The following SBNO2 variants were observed in gnomAD, a reference collection of about 807,000 sequenced individuals.
SBNO2 encodes the protein protein strawberry notch homolog 2.
A neutral mutation model predicts 146.3 loss-of-function variants in SBNO2; 89 were observed. That is an observed-to-expected ratio of 0.61 (90% CI 0.51 to 0.73). The LOEUF is 0.73. SBNO2 is among the 30% of genes least tolerant of loss of function. The pLI is 0.00. For missense variants in SBNO2, 2,092 were observed against 2,003.7 expected (o/e 1.04, Z -0.84); for synonymous variants, 1,147 against 892.6 (o/e 1.29, Z -5.08).
In SBNO2 at chr19:1,111,097, C is replaced by T. The variant is rs370262573; in HGVS notation, c.2810-4G>A. 9.7e-6 allele frequency: 15 copies of T among 1,546,582 alleles called. No homozygotes were observed. Among genetic ancestry groups the T allele is most frequent in the Non-Finnish European group, 1.2e-5 (14 of 1,147,690 alleles). ...GACAGCAGGCCCTGCTTCATGTCTG[C>T]GGGGAGAGGGGCCTCACATGCTGGT... On this transcript the variant is annotated splice_polypyrimidine_tract_variant and splice_region_variant and intron_variant, in intron 24 of 31. Coordinates refer to ENST00000361757, the MANE Select transcript of SBNO2 (RefSeq NM_014963.3).
Position 1,122,741 on chromosome 19 carries a change from G to T in SBNO2, c.831C>A (p.Gly277=). 2 of 1,537,308 alleles carry T rather than the reference G, an allele frequency of 1.3e-6. No homozygotes were observed. Among genetic ancestry groups the T allele is most frequent in the Non-Finnish European group, 1.7e-6 (2 of 1,146,520 alleles). The part of the protein sequence containing the change: ...PSGQRAGFLI[G]DGAGVGKGRT... ...GGCCTTTGCCCACGCCGGCCCCATCGCCGATGAGAAAGCCCGCGCGCTGCC... is the reference window on the plus strand; with the variant it reads ...GGCCTTTGCCCACGCCGGCCCCATCTCCGATGAGAAAGCCCGCGCGCTGCC... Residue 277 remains glycine (G), a synonymous_variant, in exon 9 of 32, where the codon GGC becomes GGA. Coordinates refer to ENST00000361757, the MANE Select transcript of SBNO2 (RefSeq NM_014963.3).
Position 1,109,667 on chromosome 19 carries a change from G to A in SBNO2, c.3123+16C>T. On this transcript the variant is annotated intron_variant, in intron 27 of 31. Transcript: ENST00000361757. This position sits in a 1 kb window ranked among gnomAD's most constrained non-coding sequence, Gnocchi z 4.2. ...GGGTGGGCAGAGTGTGAGGGGCTGT[G>A]GGGCTTCCTGCTGACCTTGTAGAAG... 1 of 1,607,366 alleles carries A rather than the reference G, an allele frequency of 6.2e-7. No homozygotes were observed. Among genetic ancestry groups the A allele is most frequent in the African/African-American group, 1.3e-5 (1 of 74,876 alleles).
Position 1,154,314 on chromosome 19 carries a change from A to T in SBNO2, c.-38T>A. On this transcript the variant is annotated 5_prime_UTR_variant, in exon 2 of 32. Coordinates refer to ENST00000361757, the MANE Select transcript of SBNO2 (RefSeq NM_014963.3). ...GGGGTGGGGTCCTCGGCCGGGCAGC[A>T]GGCGGCGGGACTCCAGGACCCGGGG... The T allele has an allele frequency of 8.5e-7, 1 of 1,179,764 alleles. No individual in the cohort carries two copies. Among genetic ancestry groups the T allele is most frequent in the East Asian group, 3.2e-5 (1 of 31,654 alleles). 73.1% of individuals were successfully genotyped at this position (1,179,764 alleles called of 1,614,324 possible).
In SBNO2 at chr19:1,109,240, G is replaced by A; in HGVS notation, c.3349-29C>T. ...GGGACACAGGGCCGCATGAGCCTGG[G>A]CGGGGTCAGGGCCGGCAACCCGAGC... is the stretch of plus-strand genomic sequence containing the variant. On this transcript the variant is annotated intron_variant, in intron 29 of 31. Transcript: ENST00000361757. The surrounding 1 kb of genome is among the most constrained non-coding windows in gnomAD (Gnocchi z 4.2). 2 of 1,572,394 alleles carry A rather than the reference G, an allele frequency of 1.3e-6. No homozygotes were observed. Among genetic ancestry groups the A allele is most frequent in the Non-Finnish European group, 1.7e-6 (2 of 1,159,640 alleles).
intron 6 of SBNO2, 138 bp downstream of exon 6, chr19:1,123,804 T>C (rs2079933510): frequency 2.8e-6 from 3 of 1,075,268 alleles, no homozygotes; most frequent in Non-Finnish European, 4.0e-6. Context: ...AGGGCCTCCA[T>C]CTCCTCAGCT....
intron 1 of SBNO2, among the ~76,000 whole-genome samples, chr19:1,169,856 G>C (rs1339764911): frequency 6.6e-6 from 1 of 152,158 alleles, no homozygotes; most frequent in African/African-American, 2.4e-5. Context: ...TTCTAAGGCA[G>C]ACCACCACAG....
intron 1 of SBNO2, among the ~76,000 whole-genome samples, chr19:1,159,211 G>A (rs546880504): frequency 1.3e-5 from 2 of 152,114 alleles, no homozygotes; most frequent in East Asian, 2.0e-4. Flanking sequence ...GGGGGCTGGC[G>A]ATTTCACAAG....
At chr19:1,142,096 T>TC (rs1421754653) in intron 4 of SBNO2, among the ~76,000 whole-genome samples, 34 of 22,238 alleles carry the variant, frequency 1.5e-3, no homozygotes, top group African/African-American at 4.8e-3. Context: ...TGATCAACCC[T>TC]CACTCAGTGA....
intron 1 of SBNO2, among the ~76,000 whole-genome samples, chr19:1,160,591 G>A (rs186277687): frequency 6.6e-6 from 1 of 151,862 alleles, no homozygotes; most frequent in Admixed American, 6.6e-5. Flanking sequence ...GGACCCACTG[G>A]GGGTCTCGGC....
chr19:1,165,495 C>G (rs971015310), intron 1 of SBNO2, among the ~76,000 whole-genome samples: 2 of 152,126 alleles, frequency 1.3e-5, no homozygotes, highest in African/African-American at 4.8e-5. Flanking sequence ...CACTCAGTCC[C>G]GTACCCTTGG....
At chr19:1,160,058 C>T (rs909895905) in intron 1 of SBNO2, among the ~76,000 whole-genome samples, 3 of 152,150 alleles carry the variant, frequency 2.0e-5, no homozygotes, top group African/African-American at 7.2e-5. Context: ...CACATTCCCG[C>T]ACCACCCTCT....
Position 1,127,802 on chromosome 19 carries a change from G to A in SBNO2, c.280-37C>T, listed in dbSNP as rs763257015. 3.7e-6 allele frequency: 6 copies of A among 1,600,926 alleles called. No homozygotes were observed. The Admixed American group carries it at 6.7e-5, about 18-fold the overall frequency. On this transcript the variant is annotated intron_variant, in intron 4 of 31. Transcript: ENST00000361757. ...GGCCAGGCCCGGTGAGGGTGGTACG[G>A]GAGACACCAAGGCCCCTCCACGCAC...
chr19:1,148,259 A>G lies in SBNO2; in HGVS notation c.168-839T>C, dbSNP rs558059581. ...CCTGGGGGCCACTCTCCTCCTGCAT[A>G]GAAAGGTTTGCAAACACCAGCAGGA... On this transcript the variant is annotated intron_variant, in intron 3 of 31. Coordinates refer to ENST00000361757, the MANE Select transcript of SBNO2 (RefSeq NM_014963.3). Among the ~76,000 whole-genome samples the G allele has an allele frequency of 2.0e-5, 3 of 152,140 alleles. No homozygotes were observed. In the South Asian group the frequency reaches 6.2e-4, roughly 31 times the overall value.
Position 1,110,197 on chromosome 19 carries a change from C to T in SBNO2, c.3029-420G>A, listed in dbSNP as rs1181986583. Among the ~76,000 whole-genome samples, 1 of 152,102 alleles carries T rather than the reference C, an allele frequency of 6.6e-6. No individual in the cohort carries two copies. Among genetic ancestry groups the T allele is most frequent in the Non-Finnish European group, 1.5e-5 (1 of 67,996 alleles). On this transcript the variant is annotated intron_variant, in intron 26 of 31. Transcript: ENST00000361757. The surrounding 1 kb of genome is among the most constrained non-coding windows in gnomAD (Gnocchi z 4.9). The stretch of plus-strand genomic sequence containing the variant: ...ATCGTGGGAGCCTGGTTGGCTGCGG[C>T]ACTGCTCATGAGTGAAGTAGCCATG...
At position 1,147,472 on chromosome 19, in the gene SBNO2, C is replaced by T. The variant is rs1013229003; in HGVS notation, c.168-52G>A. On this transcript the variant is annotated intron_variant, in intron 3 of 31. Transcript: ENST00000361757. ...TGAGATGGGGTGCTCAACCCACTCC[C>T]TCAGTAACACACCTGCACCCCCATG... 7 of 1,015,518 alleles carry T rather than the reference C, an allele frequency of 6.9e-6. No individual in the cohort carries two copies. The Admixed American group carries it at 8.3e-5, about 12-fold the overall frequency. The allele number at this position is 1,015,518 out of a possible 1,614,324, so 62.9% of individuals were successfully genotyped here.
rs1232980792 is a variant in SBNO2, at chr19:1,119,620, A to G, written c.1269T>C (p.Gly423=). The G allele has an allele frequency of 1.2e-6, 2 of 1,604,612 alleles. No homozygotes were observed. The highest frequency in any genetic ancestry group is 1.7e-6 in the Non-Finnish European group (2 of 1,175,936). The change falls in exon 13 of 32, where the codon GGT becomes GGC. Residue 423 remains glycine, a splice_region_variant and synonymous_variant. Coordinates refer to ENST00000361757, the MANE Select transcript of SBNO2 (RefSeq NM_014963.3). ...AGATCATGTTCCGAGGCTCAGAGGC[A>G]CCTGTGGGGGGAAGCTGCCGTCAGC... ...LARVVYASAT[G]ASEPRNMIYM...
chr19:1,152,018 G>A (rs1052342227), intron 2 of SBNO2, among the ~76,000 whole-genome samples: 9 of 152,006 alleles, frequency 5.9e-5, no homozygotes, highest in African/African-American at 1.2e-4. Flanking sequence ...TGGGCTGTGC[G>A]TGTGCGAACT....
chr19:1,136,353 G>A lies in SBNO2; in HGVS notation c.280-8588C>T, dbSNP rs1421208935. On this transcript the variant is annotated intron_variant, in intron 4 of 31. Transcript: ENST00000361757. This position sits in a 1 kb window ranked among gnomAD's most constrained non-coding sequence, Gnocchi z 4.2. ...CTCCCTTCTGTCAGGGTTCCGGCCA[G>A]GTGCCTGGTATGGGCCCTGGGGCCG... Among the ~76,000 whole-genome samples, 1 of 152,220 alleles carries A rather than the reference G, an allele frequency of 6.6e-6. No individual in the cohort carries two copies. The highest frequency in any genetic ancestry group is 1.9e-4 in the East Asian group (1 of 5,196).
intron 1 of SBNO2, among the ~76,000 whole-genome samples, chr19:1,166,903 C>T (rs1568650331): frequency 1.3e-5 from 2 of 152,310 alleles, no homozygotes; most frequent in East Asian, 3.9e-4. Flanking sequence ...CCCCACCTGG[C>T]TCCTTGGGGA....
Sources: allele counts gnomAD v4.1 joint callset (sites outside exome capture counted in the v4.1 genomes callset), GRCh38; gene constraint gnomAD v4.1.1; non-coding constraint Gnocchi (gnomAD v3.1); transcripts MANE v1.5; gene names NCBI Gene and HGNC (gene_info 2026-07-23, HGNC 2026-07-21).